Variants in CNBD1 observed in about 807,000 individuals in gnomAD.
CNBD1 encodes the protein cyclic nucleotide-binding domain-containing protein 1.
In CNBD1, 71 loss-of-function variants were observed where a neutral mutation model predicts 54.4. That is an observed-to-expected ratio of 1.30 (90% CI 1.08 to 1.59). CNBD1 has a LOEUF of 1.59. CNBD1 is among the 40% of genes most tolerant of loss of function. The probability of loss-of-function intolerance (pLI) is 0.00; values close to 1 mark genes in which losing one functional copy is unlikely to be tolerated. For missense variants in CNBD1, 659 were observed against 518.0 expected (o/e 1.27, Z -2.64); for synonymous variants, 182 against 170.7 (o/e 1.07, Z -0.51).
chr8:87,320,269 A>T (rs1045780010), intron 8 of CNBD1, among the ~76,000 whole-genome samples: 6 of 152,132 alleles, frequency 3.9e-5, no homozygotes, highest in African/African-American at 1.2e-4. Flanking sequence ...TGTTTTGTGC[A>T]TGATAGGAGT....
At chr8:87,321,999 T>C (rs1264009396) in intron 8 of CNBD1, among the ~76,000 whole-genome samples, 1 of 142,376 alleles carries the variant, frequency 7.0e-6, no homozygotes, top group Admixed American at 7.1e-5. Flanking sequence ...TTCCCCTTCA[T>C]GTGTCCATGT....
At chr8:87,370,531 A>G (rs1021167807) in intron 10 of CNBD1, among the ~76,000 whole-genome samples, 13 of 152,178 alleles carry the variant, frequency 8.5e-5, no homozygotes, top group Non-Finnish European at 1.6e-4. Context: ...TTTTCTTTTG[A>G]GAAGTGTCTG....
intron 4 of CNBD1, among the ~76,000 whole-genome samples, chr8:86,967,174 G>T (rs1203108507): frequency 6.6e-6 from 1 of 152,202 alleles, no homozygotes; most frequent in Non-Finnish European, 1.5e-5. Flanking sequence ...CAGAAAAAGT[G>T]CGTGTGGGGG....
intron 4 of CNBD1, among the ~76,000 whole-genome samples, chr8:86,951,913 A>G (rs941456130): frequency 6.6e-6 from 1 of 152,148 alleles, no homozygotes; most frequent in African/African-American, 2.4e-5. Flanking sequence ...GATAGCTACT[A>G]AGATTAAAAA....
downstream of CNBD1, among the ~76,000 whole-genome samples, chr8:87,385,003 G>C (rs867618867): frequency 5.3e-5 from 8 of 152,186 alleles, no homozygotes; most frequent in Admixed American, 2.0e-4. Flanking sequence ...AAAGGCATGA[G>C]ATGATGAGAT....
At chr8:87,298,355 A>C (rs905409382) in intron 8 of CNBD1, among the ~76,000 whole-genome samples, 1 of 152,086 alleles carries the variant, frequency 6.6e-6, no homozygotes, top group African/African-American at 2.4e-5. Flanking sequence ...GCGATGGAAG[A>C]CTTAAGGTAT....
intron 2 of CNBD1, among the ~76,000 whole-genome samples, chr8:87,400,309 T>C (rs1025836985): frequency 6.6e-6 from 1 of 152,014 alleles, no homozygotes; most frequent in African/African-American, 2.4e-5. Context: ...ACTGAGAAGA[T>C]TATTTAAAAA....
intron 4 of CNBD1, among the ~76,000 whole-genome samples, chr8:87,025,568 A>G (rs1204507676): frequency 6.6e-6 from 1 of 151,658 alleles, no homozygotes; most frequent in East Asian, 1.9e-4. Context: ...CGAACCCACC[A>G]GGTGGAACAA....
chr8:86,932,600 G>T (rs1809475814), intron 3 of CNBD1, among the ~76,000 whole-genome samples: 1 of 152,170 alleles, frequency 6.6e-6, no homozygotes, highest in Non-Finnish European at 1.5e-5. Flanking sequence ...CCCTCTTACA[G>T]AAAAGGTCAA....
intron 4 of CNBD1, among the ~76,000 whole-genome samples, chr8:87,094,784 T>G (rs1340787507): frequency 2.0e-5 from 3 of 152,196 alleles, no homozygotes; most frequent in Non-Finnish European, 4.4e-5. Flanking sequence ...ACGCCTGTAA[T>G]CCTAGCACTT....
At chr8:87,378,519 G>A (rs1810998917) in intron 10 of CNBD1, among the ~76,000 whole-genome samples, 2 of 150,902 alleles carry the variant, frequency 1.3e-5, no homozygotes, top group Non-Finnish European at 2.9e-5. Flanking sequence ...CTATATCTCT[G>A]TTTTGGTACC....
chr8:86,947,804 T>G (rs545337086), intron 4 of CNBD1, among the ~76,000 whole-genome samples: 2 of 152,218 alleles, frequency 1.3e-5, no homozygotes, highest in Admixed American at 1.3e-4. Flanking sequence ...AAAATTACAA[T>G]TAAATTATTG....
chr8:87,384,424 G>C (rs898977850), downstream of CNBD1, among the ~76,000 whole-genome samples: 3 of 152,010 alleles, frequency 2.0e-5, no homozygotes, highest in Non-Finnish European at 4.4e-5. Context: ...TTATACTTCA[G>C]GCAGTGGTAA....
chr8:87,131,893 T>C (rs1812124796), intron 4 of CNBD1, among the ~76,000 whole-genome samples: 1 of 152,054 alleles, frequency 6.6e-6, no homozygotes, highest in African/African-American at 2.4e-5. Flanking sequence ...CATGATTTCT[T>C]ATAGTGTTAG....
At chr8:87,268,842 C>A (rs1230880111) in intron 6 of CNBD1, among the ~76,000 whole-genome samples, 4 of 151,932 alleles carry the variant, frequency 2.6e-5, no homozygotes, top group African/African-American at 9.7e-5. Flanking sequence ...ATATGCATAG[C>A]TTATGAATAT....
intron 6 of CNBD1, among the ~76,000 whole-genome samples, chr8:87,266,555 G>A (rs1359604534): frequency 7.4e-6 from 1 of 134,816 alleles, no homozygotes; most frequent in Non-Finnish European, 1.5e-5. Context: ...AGGTTCAATG[G>A]ATTCTCCTGC....
At chr8:86,958,987 C>T (rs540301203) in intron 4 of CNBD1, among the ~76,000 whole-genome samples, 72 of 152,152 alleles carry the variant, frequency 4.7e-4, no homozygotes, top group Non-Finnish European at 9.3e-4. Flanking sequence ...TGGCTGGTAC[C>T]GGTTGTTCTT....
intron 3 of CNBD1, among the ~76,000 whole-genome samples, chr8:86,918,132 C>T (rs1809216068): frequency 6.6e-6 from 1 of 152,074 alleles, no homozygotes; most frequent in Non-Finnish European, 1.5e-5. Flanking sequence ...TGAGAAGCTG[C>T]AGAGGATACT....
intron 5 of CNBD1, among the ~76,000 whole-genome samples, chr8:87,226,124 T>G (rs1586344056): frequency 3.3e-5 from 5 of 152,308 alleles, no homozygotes; most frequent in African/African-American, 1.2e-4. Flanking sequence ...GTTTGATTCT[T>G]CTCTCTTTTT....
Sources: allele counts gnomAD v4.1 joint callset (sites outside exome capture counted in the v4.1 genomes callset), GRCh38; gene constraint gnomAD v4.1.1; transcripts MANE v1.5; gene names NCBI Gene and HGNC (gene_info 2026-07-23, HGNC 2026-07-21).